Variants in STK35 observed in about 807,000 individuals in gnomAD.
The protein encoded by STK35 is serine/threonine kinase 35.
Under a neutral mutation model 37.3 loss-of-function variants are expected in STK35, and 17 were observed. The ratio of observed to expected loss-of-function variants is 0.46; its 90% CI spans 0.31 to 0.68. STK35 has a LOEUF of 0.68. Ranked by LOEUF, STK35 falls within the 30% of genes least tolerant of loss-of-function variation. The pLI is 0.05. For synonymous variants in STK35, 385 were observed against 319.1 expected (o/e 1.21, Z -2.20); for missense variants, 595 against 746.7 (o/e 0.80, Z 2.37).
intron 3 of STK35, among the ~76,000 whole-genome samples, chr20:2,131,152 C>T (rs987401010): frequency 6.6e-6 from 1 of 152,194 alleles, no homozygotes; most frequent in African/African-American, 2.4e-5. Flanking sequence ...ATGGTATAGC[C>T]TCCTATACAC....
chr20:2,102,284 A>G, intron 1 of STK35, 109 bp downstream of exon 1: 1 of 1,343,484 alleles, frequency 7.4e-7, no homozygotes, highest in Non-Finnish European at 9.6e-7. Context: ...CACTCCGAGA[A>G]GCCGAACTTT....
At chr20:2,118,254 T>G (rs1985754424) in intron 3 of STK35, among the ~76,000 whole-genome samples, 1 of 152,196 alleles carries the variant, frequency 6.6e-6, no homozygotes, top group Non-Finnish European at 1.5e-5. Context: ...TTCTCCTACT[T>G]TAGAAAACAG....
chr20:2,103,090 C>T lies in STK35; in HGVS notation c.617C>T (p.Ala206Val), dbSNP rs1386420082. 8 of 1,597,410 alleles carry T rather than the reference C, an allele frequency of 5.0e-6. No homozygotes were observed. In the Admixed American group the frequency reaches 6.7e-5, roughly 13 times the overall value. Residue 206 changes from alanine (A) to valine (V), a missense_variant, in exon 2 of 4, where the codon GCG (alanine) becomes GTG (valine). Coordinates refer to ENST00000381482, the MANE Select transcript of STK35 (RefSeq NM_080836.4). Reference sequence around the variant, plus strand: ...GCGCGGCCGCGTTACAGCCTGTTGGCGGAGATCGGGCGCGGCAGCTACGGC... The same window carrying T: ...GCGCGGCCGCGTTACAGCCTGTTGGTGGAGATCGGGCGCGGCAGCTACGGC... ...GSARPRYSLL[A>V]EIGRGSYGVV...
At chr20:2,105,901 A>G (rs944633458) in intron 2 of STK35, among the ~76,000 whole-genome samples, 8 of 152,264 alleles carry the variant, frequency 5.3e-5, no homozygotes, top group African/African-American at 1.7e-4. Context: ...GACCTAGAAA[A>G]ATGAAATCTT....
In STK35 at chr20:2,145,450, A is replaced by G. The variant is rs2153741; in HGVS notation, c.*1704A>G. The G allele has an allele frequency of 0.52, 79,614 of 151,826 alleles. 21,629 individuals are homozygous for G. Among genetic ancestry groups the G allele is most frequent in the East Asian group, 0.94 (4,822 of 5,144 alleles). The allele number at this position is 151,826 out of a possible 1,614,324, so 9.4% of individuals were successfully genotyped here. A position where few individuals can be genotyped will look rare whatever the true frequency, so the allele number is the denominator to read the frequency against. On this transcript the variant is annotated 3_prime_UTR_variant, in exon 4 of 4. Transcript: ENST00000381482. ...AGGGGCTTTTACCTGCTAAGCGGCA[A>G]TCCTTTGGCCCTGAGAATTTGGGAG...
chr20:2,101,830 G>A lies in STK35; in HGVS notation c.-52G>A, dbSNP rs780299980. ...TGCGCTCGGCTGCGGCTGCTCCGTC[G>A]ACCTTTGCAGGACCGGGCGGTGCAG... On this transcript the variant is annotated 5_prime_UTR_variant, in exon 1 of 4. Coordinates refer to ENST00000381482, the MANE Select transcript of STK35 (RefSeq NM_080836.4). The A allele has an allele frequency of 1.1e-4, 138 of 1,258,180 alleles. No homozygotes were observed. Among genetic ancestry groups the A allele is most frequent in the Non-Finnish European group, 1.4e-4 (137 of 998,572 alleles). 77.9% of individuals were successfully genotyped at this position (1,258,180 alleles called of 1,614,324 possible).
chr20:2,134,077 C>T (rs1414170352), intron 3 of STK35, among the ~76,000 whole-genome samples: 2 of 152,058 alleles, frequency 1.3e-5, no homozygotes, highest in Non-Finnish European at 2.9e-5. Flanking sequence ...CCTGTCTCCT[C>T]CTGATAACAT....
intron 3 of STK35, among the ~76,000 whole-genome samples, chr20:2,140,700 C>T (rs1568583146): frequency 6.6e-6 from 1 of 152,212 alleles, no homozygotes; most frequent in Non-Finnish European, 1.5e-5. Flanking sequence ...GGGCCAGAGC[C>T]AGTGCCAGAG....
At chr20:2,119,989 G>A (rs893861466) in intron 3 of STK35, among the ~76,000 whole-genome samples, 10 of 152,216 alleles carry the variant, frequency 6.6e-5, no homozygotes, top group Non-Finnish European at 1.2e-4. Flanking sequence ...CCTACCACCC[G>A]TGGGTAGGAG....
At chr20:2,119,172 G>C (rs1985773172) in intron 3 of STK35, among the ~76,000 whole-genome samples, 1 of 152,186 alleles carries the variant, frequency 6.6e-6, no homozygotes, top group Non-Finnish European at 1.5e-5. Flanking sequence ...GAGTCACTAG[G>C]TCTAATTCTT....
chr20:2,143,473 T>C (rs1312037776), intron 3 of STK35, among the ~76,000 whole-genome samples: 1 of 152,116 alleles, frequency 6.6e-6, no homozygotes, highest in South Asian at 2.1e-4. Flanking sequence ...TTGCTCCTAA[T>C]AGTACGGGGA....
In STK35 at chr20:2,102,882, G is replaced by T; in HGVS notation, c.409G>T (p.Gly137Trp). 1 of 1,566,964 alleles carries T rather than the reference G, an allele frequency of 6.4e-7. No individual in the cohort carries two copies. The highest frequency in any genetic ancestry group is 1.2e-5 in the South Asian group (1 of 86,912). ...LPPPPAAMET[G>W]KDGARRGTQS... ...CCCGCCGCCCGCAGCCATGGAAACG[G>T]GGAAGGACGGCGCCCGCAGAGGTAC... Residue 137 changes from glycine (G) to tryptophan (W), a missense_variant, in exon 2 of 4, where the codon GGG becomes TGG. Physicochemically the swap from Gly to Trp is radical, Grantham distance 184. Coordinates refer to ENST00000381482, the MANE Select transcript of STK35 (RefSeq NM_080836.4).
intron 3 of STK35, 51 bp from the exon 4 acceptor site, chr20:2,143,733 G>C (rs924504313): frequency 5.8e-6 from 2 of 344,994 alleles, no homozygotes; most frequent in Non-Finnish European, 1.1e-5. Flanking sequence ...GAGGGCTGGT[G>C]CCCAGGCCTG....
chr20:2,119,186 A>C (rs1985773555), intron 3 of STK35, among the ~76,000 whole-genome samples: 2 of 152,198 alleles, frequency 1.3e-5, no homozygotes, highest in South Asian at 4.1e-4. Context: ...AATTCTTCAA[A>C]TCATAATTGT....
intron 3 of STK35, among the ~76,000 whole-genome samples, chr20:2,135,445 T>TC (rs1207442777): frequency 1.3e-5 from 2 of 152,210 alleles, no homozygotes; most frequent in Non-Finnish European, 2.9e-5. Flanking sequence ...CCTCCAGCAG[T>TC]CCAACATATC....
chr20:2,128,973 T>C (rs536600774), intron 3 of STK35, among the ~76,000 whole-genome samples: 1 of 152,162 alleles, frequency 6.6e-6, no homozygotes, highest in South Asian at 2.1e-4. Flanking sequence ...TATAAGTGCA[T>C]GCCACCACGC....
chr20:2,104,715 A>G (rs1484722385), intron 2 of STK35, among the ~76,000 whole-genome samples: 3 of 152,162 alleles, frequency 2.0e-5, no homozygotes, highest in African/African-American at 7.2e-5. Flanking sequence ...TCCCATTGCA[A>G]GTCAGTTGTT....
chr20:2,103,429 G>T, intron 2 of STK35, 64 bp downstream of exon 2: 1 of 1,496,262 alleles, frequency 6.7e-7, no homozygotes, highest in African/African-American at 1.4e-5. Flanking sequence ...CGGACGGCTT[G>T]GCCCACACTG....
intron 3 of STK35, among the ~76,000 whole-genome samples, chr20:2,141,571 A>G (rs184642249): frequency 7.4e-4 from 112 of 152,186 alleles, no homozygotes; most frequent in African/African-American, 2.6e-3. Context: ...AAAGTACCCT[A>G]TTTTTCCTAT....
Sources: gnomAD v4.1 joint callset for allele counts (sites outside exome capture counted in the v4.1 genomes callset) on GRCh38, gnomAD v4.1.1 for gene constraint, MANE v1.5 for transcripts, NCBI Gene and HGNC (gene_info 2026-07-23, HGNC 2026-07-21) for gene names.